TRAF2: variants seen among roughly 807,000 people sequenced by gnomAD.
The protein encoded by TRAF2 is TNF receptor-associated factor 2.
A neutral mutation model predicts 55.6 loss-of-function variants in TRAF2; 6 were observed. The observed-to-expected ratio is 0.11, with a 90% confidence interval of 0.06 to 0.21. The LOEUF is 0.21. TRAF2 is among the 10% of genes least tolerant of loss of function. The pLI, the probability that TRAF2 is intolerant of heterozygous loss-of-function variation, is 1.00. For missense variants in TRAF2, 561 were observed against 684.5 expected, an observed-to-expected ratio of 0.82 and a Z score of 2.01; for synonymous variants, 329 against 276.3, an observed-to-expected ratio of 1.19 and a Z score of -1.89.
In TRAF2 at chr9:136,923,916, C is replaced by G. The variant is rs189329794; in HGVS notation, c.1203C>G (p.Thr401=). The G allele has an allele frequency of 1.9e-6, 3 of 1,613,882 alleles. No homozygotes were observed. Among genetic ancestry groups the G allele is most frequent in the Non-Finnish European group, 2.5e-6 (3 of 1,180,010 alleles). ...CLRIYLNGDG[T]GRGTHLSLFF... ...GTATCTACCTGAACGGCGACGGCAC[C>G]GGGCGAGGAACACACCTGTCCCTCT... Residue 401 remains threonine (T), a synonymous_variant, in exon 10 of 11, where the codon ACC becomes ACG. Coordinates refer to ENST00000247668, the MANE Select transcript of TRAF2 (RefSeq NM_021138.4).
chr9:136,920,381 G>C lies in TRAF2; in HGVS notation c.826G>C (p.Glu276Gln), dbSNP rs376467561. 1.1e-4 allele frequency: 175 copies of C among 1,614,032 alleles called. No homozygotes were observed. Among genetic ancestry groups the C allele is most frequent in the Non-Finnish European group, 1.4e-4 (167 of 1,180,036 alleles). ...GCTCCTGCAGAGGTGCGAGAGCCTG[G>C]AGAAGAAGACGGCCACTTTTGAGAA... ...SELLQRCESL[E>Q]KKTATFENIV... is the part of the protein sequence containing the mutation. The change falls in exon 8 of 11, where the codon GAG becomes CAG. Residue 276 changes from glutamate to glutamine, a missense_variant. By Grantham distance (29) the Glu-to-Gln change is conservative (BLOSUM62 2). Transcript: ENST00000247668.
chr9:136,915,214 A>G (rs906233963), intron 6 of TRAF2, among the ~76,000 whole-genome samples: 4 of 152,176 alleles, frequency 2.6e-5, no homozygotes, highest in African/African-American at 7.2e-5. Context: ...AAATGGTTAC[A>G]TGGCACCAAA....
Position 136,925,960 on chromosome 9 carries a change from G to T in TRAF2, c.*59G>T. 1 of 1,597,368 alleles carries T rather than the reference G, an allele frequency of 6.3e-7. No individual in the cohort carries two copies. Among genetic ancestry groups the T allele is most frequent in the Non-Finnish European group, 8.6e-7 (1 of 1,167,980 alleles). On this transcript the variant is annotated 3_prime_UTR_variant, in exon 11 of 11. Transcript: ENST00000247668. The stretch of plus-strand genomic sequence containing the variant: ...GCCAGGCACAGCCGGCTCACGGAGG[G>T]GCCACCACGCTGGGCCAGGGTCTCA...
intron 1 of TRAF2, 48 bp downstream of exon 1, chr9:136,886,589 T>G (rs1228194382): frequency 2.2e-6 from 2 of 909,788 alleles, no homozygotes; most frequent in South Asian, 5.0e-5. Flanking sequence ...GGGCGCGGGG[T>G]CGGGTGCGGG....
chr9:136,896,879 A>C (rs766601753), intron 1 of TRAF2, among the ~76,000 whole-genome samples: 6 of 152,190 alleles, frequency 3.9e-5, no homozygotes, highest in Non-Finnish European at 7.3e-5. Flanking sequence ...AAGTGCTGAG[A>C]TTACAGGCGT....
At chr9:136,915,033 G>T (rs1274401755) in intron 6 of TRAF2, among the ~76,000 whole-genome samples, 1 of 152,084 alleles carries the variant, frequency 6.6e-6, no homozygotes, top group Non-Finnish European at 1.5e-5. Context: ...TACAAAATTA[G>T]CCGGGTGTGG....
intron 4 of TRAF2, among the ~76,000 whole-genome samples, chr9:136,907,012 G>C (rs1849969662): frequency 6.6e-6 from 1 of 152,274 alleles, no homozygotes; most frequent in Non-Finnish European, 1.5e-5. Flanking sequence ...CATTCGGGCA[G>C]AGCCCTCAAG....
At chr9:136,895,980 G>C (rs908218549) in intron 1 of TRAF2, among the ~76,000 whole-genome samples, 1 of 152,062 alleles carries the variant, frequency 6.6e-6, no homozygotes, top group Non-Finnish European at 1.5e-5. Flanking sequence ...GGGCCTGTCA[G>C]TCCCTGCCTC....
At position 136,920,264 on chromosome 9, in the gene TRAF2, G is replaced by T. The variant is rs1271404467; in HGVS notation, c.709G>T (p.Val237Leu). The change falls in exon 8 of 11, where the codon GTG becomes TTG. Residue 237 changes from valine (V) to leucine (L), a missense_variant. Transcript: ENST00000247668. ...VEGEKQQEHE[V>L]QWLREHLAML... is the part of the protein sequence containing the mutation. ...GGGTGAGAAACAGCAGGAGCACGAGGTGCAGTGGCTGCGGGAGCACCTGGC... is the reference window on the plus strand; with the variant it reads ...GGGTGAGAAACAGCAGGAGCACGAGTTGCAGTGGCTGCGGGAGCACCTGGC... 1.2e-6 allele frequency: 2 copies of T among 1,612,874 alleles called. No individual in the cohort carries two copies. Among genetic ancestry groups the T allele is most frequent in the Non-Finnish European group, 8.5e-7 (1 of 1,179,676 alleles).
At chr9:136,884,408 A>C (rs1849409419), upstream of TRAF2, among the ~76,000 whole-genome samples, 1 of 151,970 alleles carries the variant, frequency 6.6e-6, no homozygotes, top group Non-Finnish European at 1.5e-5. Flanking sequence ...AATACAAAAA[A>C]AATTAGCCGG....
Position 136,926,418 on chromosome 9 carries a change from C to G in TRAF2, c.*517C>G, listed in dbSNP as rs750956813. On this transcript the variant is annotated 3_prime_UTR_variant, in exon 11 of 11. Transcript: ENST00000247668. ...TGGAGAGAAGGGAGCATTCCTAGAC[C>G]CCTGGGTGCTTGTCTGCACAGAGCT... The G allele has an allele frequency of 7.9e-5, 24 of 302,198 alleles. No homozygotes were observed. Among genetic ancestry groups the G allele is most frequent in the Non-Finnish European group, 1.2e-4 (18 of 151,470 alleles). 18.7% of individuals were successfully genotyped at this position (302,198 alleles called of 1,614,324 possible).
chr9:136,921,661 G>A (rs769426557), intron 9 of TRAF2, among the ~76,000 whole-genome samples: 6 of 152,020 alleles, frequency 3.9e-5, no homozygotes, highest in Non-Finnish European at 7.4e-5. Context: ...TTTTCCACAC[G>A]GAGCTCAGGG....
At chr9:136,916,496 C>A (rs749624767) in intron 6 of TRAF2, 45 bp from the exon 7 acceptor site, 2 of 1,589,238 alleles carry the variant, frequency 1.3e-6, no homozygotes, top group Non-Finnish European at 1.7e-6. Flanking sequence ...TGCTGAAATG[C>A]ATCAGAACAG....
intron 7 of TRAF2, 31 bp downstream of exon 7, chr9:136,916,646 C>A: frequency 6.2e-7 from 1 of 1,608,064 alleles, no homozygotes. Flanking sequence ...TTGGGGGCCA[C>A]CCCTCATCCT....
At chr9:136,912,878 A>G (rs1342978133) in intron 6 of TRAF2, among the ~76,000 whole-genome samples, 2 of 152,088 alleles carry the variant, frequency 1.3e-5, no homozygotes, top group Non-Finnish European at 2.9e-5. Flanking sequence ...CACATCTGCA[A>G]TCCCAGCACT....
At chr9:136,921,976 T>C (rs1588445057) in intron 9 of TRAF2, among the ~76,000 whole-genome samples, 1 of 152,236 alleles carries the variant, frequency 6.6e-6, no homozygotes, top group South Asian at 2.1e-4. Flanking sequence ...TCGTGCAGAC[T>C]TTATTTTTAG....
At chr9:136,903,231 A>T (rs1849862745) in intron 4 of TRAF2, among the ~76,000 whole-genome samples, 1 of 152,230 alleles carries the variant, frequency 6.6e-6, no homozygotes, top group Non-Finnish European at 1.5e-5. Context: ...GATTCCTGGC[A>T]TAAGCCACTG....
chr9:136,894,452 T>C (rs1420406877), intron 1 of TRAF2, among the ~76,000 whole-genome samples: 2 of 152,148 alleles, frequency 1.3e-5, no homozygotes, highest in Non-Finnish European at 2.9e-5. Context: ...CTGCTGGGCC[T>C]TGTCCTGGGC....
At chr9:136,920,564 G>T in intron 8 of TRAF2, 49 bp downstream of exon 8, 1 of 1,548,910 alleles carries the variant, frequency 6.5e-7, no homozygotes. Context: ...TGTAAAGGGG[G>T]ATAGTGTTCG....
Sources: allele counts gnomAD v4.1 joint callset (sites outside exome capture counted in the v4.1 genomes callset), GRCh38; gene constraint gnomAD v4.1.1; transcripts MANE v1.5; gene names NCBI Gene and HGNC (gene_info 2026-07-23, HGNC 2026-07-21).